The following SPIDR variants were observed in gnomAD, a reference collection of about 807,000 sequenced individuals.
The protein encoded by SPIDR is DNA repair-scaffolding protein.
Under a neutral mutation model 104.6 loss-of-function variants are expected in SPIDR, and 93 were observed. The observed-to-expected ratio is 0.89, with a 90% CI of 0.75 to 1.06. The LOEUF (loss-of-function observed/expected upper bound fraction) is 1.06, where lower values mean the gene tolerates loss of function less well. Among genes scored for constraint, SPIDR ranks in the 50% least tolerant of loss-of-function variants. The pLI is 0.00. For missense variants in SPIDR, 1,154 were observed against 1,111.2 expected, an observed-to-expected ratio of 1.04 and a Z score of -0.55; for synonymous variants, 431 against 416.9, an observed-to-expected ratio of 1.03 and a Z score of -0.41.
At chr8:47,673,995 T>G (rs2076116445) in intron 11 of SPIDR, 54 bp downstream of exon 11, 1 of 1,580,096 alleles carries the variant, frequency 6.3e-7, no homozygotes, top group Non-Finnish European at 8.6e-7. Flanking sequence ...GTTCTTTTTC[T>G]TAGTCTTTTG....
At chr8:47,357,550 C>A (rs2054803595) in intron 5 of SPIDR, among the ~76,000 whole-genome samples, 1 of 152,148 alleles carries the variant, frequency 6.6e-6, no homozygotes, top group Non-Finnish European at 1.5e-5. Context: ...TCTTATTTTT[C>A]GTCCATCGTT....
At chr8:47,485,059 C>CCCGGGAAGTGCAAGGGGTCAGGGAATT in intron 8 of SPIDR, among the ~76,000 whole-genome samples, 1 of 152,186 alleles carries the variant, frequency 6.6e-6, no homozygotes, top group Non-Finnish European at 1.5e-5. Flanking sequence ...CATGGCCTCA[C>CCCGGGAAGTGCAAGGGGTCAGGGAATT]CCGGGAAGTG....
chr8:47,344,928 C>G lies in SPIDR; in HGVS notation c.525+50898C>G, dbSNP rs551750455. Among the ~76,000 whole-genome samples, 3 of 152,292 alleles carry G rather than the reference C, an allele frequency of 2.0e-5. No individual in the cohort carries two copies. The South Asian group carries it at 6.2e-4, about 32-fold the overall frequency. On this transcript the variant is annotated intron_variant, in intron 5 of 19. Coordinates refer to ENST00000297423, the MANE Select transcript of SPIDR (RefSeq NM_001080394.4). ...TCCCATTCTATAGGTTGCCTGTTCA[C>G]TCTGATGGTAGTTTCTTTTGCTGTG...
At chr8:47,581,287 A>G (rs895739663) in intron 8 of SPIDR, among the ~76,000 whole-genome samples, 3 of 152,194 alleles carry the variant, frequency 2.0e-5, no homozygotes, top group African/African-American at 7.2e-5. Flanking sequence ...CAGTAAATCT[A>G]GTGAAAAACC....
intron 11 of SPIDR, among the ~76,000 whole-genome samples, chr8:47,694,821 A>G (rs924918710): frequency 9.9e-5 from 15 of 151,978 alleles, no homozygotes; most frequent in African/African-American, 3.6e-4. Flanking sequence ...GGTTTTTTTA[A>G]AAAAAAATAT....
intron 8 of SPIDR, among the ~76,000 whole-genome samples, chr8:47,440,850 A>G (rs1178524330): frequency 6.6e-6 from 1 of 152,200 alleles, no homozygotes; most frequent in East Asian, 1.9e-4. Context: ...TAGAAAAATA[A>G]TTTTGTTAAC....
intron 10 of SPIDR, chr8:47,667,647 A>G (rs2075159586): frequency 6.6e-6 from 1 of 152,132 alleles, no homozygotes; most frequent in African/African-American, 2.4e-5. Flanking sequence ...AATTAATGAC[A>G]TAAACAGTGA....
chr8:47,269,814 T>A (rs1217027311), intron 1 of SPIDR, among the ~76,000 whole-genome samples: 1 of 152,218 alleles, frequency 6.6e-6, no homozygotes, highest in African/African-American at 2.4e-5. Context: ...TACATTTTTA[T>A]CAGGTTGAGG....
chr8:47,421,828 C>G (rs1218313206), intron 7 of SPIDR, among the ~76,000 whole-genome samples: 1 of 152,198 alleles, frequency 6.6e-6, no homozygotes, highest in Admixed American at 6.5e-5. Context: ...TTCCTTCTAA[C>G]AGTCAGGACC....
chr8:47,734,122 C>T (rs538058023), intron 19 of SPIDR, among the ~76,000 whole-genome samples: 9 of 152,262 alleles, frequency 5.9e-5, no homozygotes, highest in South Asian at 2.1e-4. Flanking sequence ...GGGCTTCATC[C>T]GGATAGCTCC....
chr8:47,554,540 C>T (rs2091058078), intron 8 of SPIDR, among the ~76,000 whole-genome samples: 1 of 152,238 alleles, frequency 6.6e-6, no homozygotes, highest in African/African-American at 2.4e-5. Flanking sequence ...GGGCATGGAA[C>T]CCTCTGAGCC....
At chr8:47,262,306 C>T (rs888619407) in intron 1 of SPIDR, among the ~76,000 whole-genome samples, 2 of 152,136 alleles carry the variant, frequency 1.3e-5, no homozygotes, top group Admixed American at 6.5e-5. Flanking sequence ...TTCATCTTGT[C>T]ATTTTTCAAG....
At chr8:47,721,932 T>G (rs1173757244) in intron 16 of SPIDR, among the ~76,000 whole-genome samples, 5 of 152,200 alleles carry the variant, frequency 3.3e-5, no homozygotes, top group Admixed American at 3.3e-4. Context: ...TGATGAGATT[T>G]TGATTAGGAT....
intron 5 of SPIDR, among the ~76,000 whole-genome samples, chr8:47,364,732 A>G (rs539569474): frequency 6.6e-6 from 1 of 152,344 alleles, no homozygotes; most frequent in African/African-American, 2.4e-5. Context: ...TGATAATGCC[A>G]GCCTGATAAT....
intron 10 of SPIDR, among the ~76,000 whole-genome samples, chr8:47,636,258 C>A (rs2067902340): frequency 6.6e-6 from 1 of 152,126 alleles, no homozygotes; most frequent in Non-Finnish European, 1.5e-5. Context: ...ATATTGGATG[C>A]CAAATTTAAT....
chr8:47,299,955 G>A (rs1003554513), intron 5 of SPIDR, among the ~76,000 whole-genome samples: 2 of 152,172 alleles, frequency 1.3e-5, no homozygotes, highest in South Asian at 2.1e-4. Flanking sequence ...TCAGGATGAT[G>A]CTGGCCTCAT....
At chr8:47,680,396 C>T (rs1216255600) in intron 11 of SPIDR, among the ~76,000 whole-genome samples, 1 of 152,200 alleles carries the variant, frequency 6.6e-6, no homozygotes, top group African/African-American at 2.4e-5. Flanking sequence ...CTGGGGCCTT[C>T]AGTCTCCCGC....
At chr8:47,422,305 A>G (rs1244672096) in intron 7 of SPIDR, among the ~76,000 whole-genome samples, 3 of 152,102 alleles carry the variant, frequency 2.0e-5, no homozygotes, top group African/African-American at 7.2e-5. Flanking sequence ...AGCCTCAGCA[A>G]TGGCGGGCTC....
intron 10 of SPIDR, among the ~76,000 whole-genome samples, chr8:47,649,168 A>G (rs1182629814): frequency 2.6e-5 from 4 of 152,118 alleles, no homozygotes; most frequent in Non-Finnish European, 5.9e-5. Context: ...ACTGGAGCCC[A>G]GGAGTTTGAG....
Sources: gnomAD v4.1 joint callset for allele counts (sites outside exome capture counted in the v4.1 genomes callset) on GRCh38, gnomAD v4.1.1 for gene constraint, MANE v1.5 for transcripts, NCBI Gene and HGNC (gene_info 2026-07-23, HGNC 2026-07-21) for gene names.